The following GPHN variants were observed in gnomAD, a reference collection of about 807,000 sequenced individuals.
GPHN encodes gephyrin.
In GPHN, 17 loss-of-function variants were observed where a neutral mutation model predicts 95.5. The observed-to-expected ratio is 0.18, with a 90% CI of 0.12 to 0.27. GPHN has a LOEUF of 0.27. Among genes scored for constraint, GPHN ranks in the 10% least tolerant of loss-of-function variants. The pLI is 1.00. For synonymous variants in GPHN, 320 were observed against 322.5 expected, an observed-to-expected ratio of 0.99 and a Z score of 0.08; for missense variants, 660 against 978.1, an observed-to-expected ratio of 0.67 and a Z score of 4.34.
At chr14:67,572,007 C>G in the GPHN span, 1 of 1,480,226 alleles carries the variant, frequency 6.8e-7, no homozygotes, top group Admixed American at 2.0e-5. Context: ...AGCTCGTGAC[C>G]CCCCAGCAGC....
intron 9 of GPHN, among the ~76,000 whole-genome samples, chr14:66,998,037 G>C (rs2153608397): frequency 6.6e-6 from 1 of 152,150 alleles, no homozygotes; most frequent in Non-Finnish European, 1.5e-5. Context: ...TCTACCATTG[G>C]CATCATCTCC....
At chr14:67,501,192 T>C in the GPHN span, among the ~76,000 whole-genome samples, 10 of 152,150 alleles carry the variant, frequency 6.6e-5, no homozygotes, top group South Asian at 1.9e-3. Context: ...AGGTACTCCC[T>C]GCCCTGAGGA....
chr14:67,120,056 G>A (rs2078927900), intron 16 of GPHN, among the ~76,000 whole-genome samples: 1 of 151,686 alleles, frequency 6.6e-6, no homozygotes, highest in African/African-American at 2.4e-5. Flanking sequence ...AACCCAGGGG[G>A]TGGAGGTTGC....
At chr14:67,216,770 A>G in the GPHN span, among the ~76,000 whole-genome samples, 282 of 152,210 alleles carry the variant, frequency 1.9e-3, 4 homozygotes, top group Middle Eastern at 0.01. Flanking sequence ...AAAATACTTG[A>G]TAAGATTTTG....
At chr14:67,601,644 T>C in the GPHN span, among the ~76,000 whole-genome samples, 3 of 152,192 alleles carry the variant, frequency 2.0e-5, no homozygotes, top group Non-Finnish European at 1.5e-5. Flanking sequence ...GGCACATGCC[T>C]GTAATCTCAG....
At chr14:66,831,727 C>T (rs1190002074) in intron 4 of GPHN, among the ~76,000 whole-genome samples, 1 of 152,166 alleles carries the variant, frequency 6.6e-6, no homozygotes, top group Non-Finnish European at 1.5e-5. Flanking sequence ...CTGATGCCTA[C>T]CTACATCTCA....
chr14:66,912,478 AAAAC>A (rs2065719264), intron 5 of GPHN, among the ~76,000 whole-genome samples: 1 of 152,180 alleles, frequency 6.6e-6, no homozygotes, highest in African/African-American at 2.4e-5. Flanking sequence ...TACATAAACA[AAAAC>A]AATGCGCTAT....
At chr14:67,315,657 G>A in the GPHN span, among the ~76,000 whole-genome samples, 1 of 152,336 alleles carries the variant, frequency 6.6e-6, no homozygotes, top group South Asian at 2.1e-4. Context: ...CGTGCACAGT[G>A]GCTCATGCCC....
At chr14:67,059,768 A>G (rs2075749533) in intron 11 of GPHN, among the ~76,000 whole-genome samples, 1 of 152,164 alleles carries the variant, frequency 6.6e-6, no homozygotes, top group Non-Finnish European at 1.5e-5. Flanking sequence ...TTAGACAAGG[A>G]TTGTTATTAT....
chr14:66,864,004 A>G (rs933243684), intron 4 of GPHN, among the ~76,000 whole-genome samples: 6 of 152,170 alleles, frequency 3.9e-5, no homozygotes, highest in African/African-American at 1.4e-4. Flanking sequence ...AGAGCAAAGG[A>G]ACAATCAACA....
At chr14:66,821,969 C>T (rs530658010) in intron 3 of GPHN, among the ~76,000 whole-genome samples, 17 of 152,102 alleles carry the variant, frequency 1.1e-4, no homozygotes, top group South Asian at 1.0e-3. Context: ...TTTGTTTGTT[C>T]GAGACGGAGT....
At chr14:67,712,657 C>G in the GPHN span, among the ~76,000 whole-genome samples, 1 of 152,108 alleles carries the variant, frequency 6.6e-6, no homozygotes, top group Non-Finnish European at 1.5e-5. Context: ...AATCTCATTA[C>G]TATATTTCAT....
chr14:66,890,477 A>G (rs2064425345), intron 5 of GPHN, among the ~76,000 whole-genome samples: 1 of 151,930 alleles, frequency 6.6e-6, no homozygotes, highest in Non-Finnish European at 1.5e-5. Flanking sequence ...AGTTGGCTTC[A>G]CTGATGAATT....
intron 9 of GPHN, among the ~76,000 whole-genome samples, chr14:66,987,973 A>C (rs943927577): frequency 5.3e-5 from 8 of 152,078 alleles, no homozygotes; most frequent in African/African-American, 1.9e-4. Flanking sequence ...GATCACCTAG[A>C]AGGCAATGTG....
chr14:67,189,353 A>T, the GPHN span: 1 of 152,106 alleles, frequency 6.6e-6, no homozygotes, highest in Non-Finnish European at 1.5e-5. Context: ...TACTGCAGAG[A>T]CTATGTCAGC....
At chr14:67,568,546 C>T in the GPHN span, among the ~76,000 whole-genome samples, 7 of 151,998 alleles carry the variant, frequency 4.6e-5, no homozygotes, top group Admixed American at 3.3e-4. Context: ...CCATGACACA[C>T]GTTTACCTAC....
the GPHN span, chr14:67,364,707 A>ATT: frequency 7.4e-7 from 1 of 1,356,876 alleles, no homozygotes; most frequent in Non-Finnish European, 9.9e-7. Context: ...GTGGAAATTG[A>ATT]TTTTTTTTTT....
the GPHN span, among the ~76,000 whole-genome samples, chr14:67,712,493 CAAAAAAAAAAAAAA>C: frequency 0.029 from 1,139 of 39,050 alleles, 36 homozygotes; most frequent in Middle Eastern, 0.16. Flanking sequence ...AAAAAACTTG[CAAAAAAAAAAAAAA>C]AAAAAAAAAA....
rs188201578 is a variant in GPHN at position 66,582,753 on chromosome 14, A to G, written c.64+74162A>G. ...GGCAGCATGGTATTCCATGGTGTAT[A>G]TGTGCCACATTTTCTTAATCCAGTC... is the stretch of plus-strand genomic sequence containing the variant. On this transcript the variant is annotated intron_variant, in intron 1 of 22. Transcript: ENST00000478722. Among the ~76,000 whole-genome samples, 8 of 152,210 alleles carry G rather than the reference A, an allele frequency of 5.3e-5. No homozygotes were observed. The East Asian group carries it at 1.5e-3, about 29-fold the overall frequency.
Sources: allele counts gnomAD v4.1 joint callset (sites outside exome capture counted in the v4.1 genomes callset), GRCh38; gene constraint gnomAD v4.1.1; transcripts MANE v1.5; gene names NCBI Gene and HGNC (gene_info 2026-07-23, HGNC 2026-07-21).